Variants in LSM14A observed in about 807,000 individuals in gnomAD.
The protein encoded by LSM14A is LSM14A mRNA processing body assembly factor, also known as protein LSM14 homolog A.
LSM14A carries 14 observed loss-of-function variants against 52.4 expected under a neutral mutation model. That is an observed-to-expected ratio of 0.27 (90% CI 0.18 to 0.42). The LOEUF (loss-of-function observed/expected upper bound fraction) is 0.42, where lower values mean the gene tolerates loss of function less well. LSM14A is among the 10% of genes least tolerant of loss of function. The pLI is 1.00. For synonymous variants in LSM14A, 185 were observed against 200.3 expected (o/e 0.92, Z 0.64); for missense variants, 417 against 581.8 (o/e 0.72, Z 2.91).
chr19:34,217,244 C>T (rs377721758), intron 6 of LSM14A, among the ~76,000 whole-genome samples: 40 of 109,304 alleles, frequency 3.7e-4, no homozygotes, highest in Middle Eastern at 6.5e-3. Flanking sequence ...GGCAACAGAG[C>T]GAGAGTCTGT....
rs1159565408 is a variant in LSM14A, at chr19:34,219,772, C to T, written c.1031C>T (p.Thr344Ile). 3 of 1,613,652 alleles carry T rather than the reference C, an allele frequency of 1.9e-6. No individual in the cohort carries two copies. The highest frequency in any genetic ancestry group is 1.1e-5 in the South Asian group (1 of 91,048). ...GATAAAGGAGACTCAGGAGTTGATACCCAAAACAGTGAAGGAAATGCCGAT... is the reference window on the plus strand; with the variant it reads ...GATAAAGGAGACTCAGGAGTTGATATCCAAAACAGTGAAGGAAATGCCGAT... ...GEDKGDSGVDTQNSEGNADEE... is the reference protein window; with the variant it reads ...GEDKGDSGVDIQNSEGNADEE... The change falls in exon 8 of 10, where the codon ACC (threonine) becomes ATC (isoleucine). Residue 344 changes from threonine to isoleucine, a missense_variant. Around this residue, in one of 2 missense-constraint regions of LSM14A, gnomAD observed 357 missense variants for 457.0 expected, o/e 0.78. Transcript: ENST00000544216.
chr19:34,190,182 A>G (rs944277271), intron 1 of LSM14A, among the ~76,000 whole-genome samples: 3 of 152,140 alleles, frequency 2.0e-5, no homozygotes, highest in Admixed American at 6.5e-5. Context: ...GTTCTGTAAC[A>G]GTATCTTCTA....
chr19:34,194,043 C>T (rs2070661957), intron 1 of LSM14A, among the ~76,000 whole-genome samples: 1 of 152,136 alleles, frequency 6.6e-6, no homozygotes. Flanking sequence ...CTTAGTGGCA[C>T]ATGCCTGTGG....
chr19:34,173,958 A>T (rs578205617), intron 1 of LSM14A, among the ~76,000 whole-genome samples: 2 of 123,782 alleles, frequency 1.6e-5, no homozygotes, highest in East Asian at 4.0e-4. Context: ...TTATTTATTT[A>T]TTTTTCTAAG....
chr19:34,174,817 T>A (rs1029158720), intron 1 of LSM14A, among the ~76,000 whole-genome samples: 1 of 152,224 alleles, frequency 6.6e-6, no homozygotes, highest in Non-Finnish European at 1.5e-5. Flanking sequence ...TGTTTTAAAG[T>A]ATTGCTTTAC....
At chr19:34,180,485 A>G (rs1426509920) in intron 1 of LSM14A, among the ~76,000 whole-genome samples, 1 of 152,036 alleles carries the variant, frequency 6.6e-6, no homozygotes, top group Admixed American at 6.5e-5. Context: ...GAGGTGATAT[A>G]AAAGAAGTAA....
At chr19:34,187,365 G>A (rs573783158) in intron 1 of LSM14A, among the ~76,000 whole-genome samples, 14 of 151,330 alleles carry the variant, frequency 9.3e-5, no homozygotes, top group African/African-American at 1.9e-4. Flanking sequence ...TGCAACCTCC[G>A]CTTCTGGGGT....
chr19:34,182,608 C>T lies in LSM14A; in HGVS notation c.121+9845C>T, dbSNP rs917746923. Among the ~76,000 whole-genome samples the T allele has an allele frequency of 4.7e-5, 7 of 148,256 alleles. No individual in the cohort carries two copies. The East Asian group carries it at 5.9e-4, about 13-fold the overall frequency. On this transcript the variant is annotated intron_variant, in intron 1 of 9. Coordinates refer to ENST00000544216, the MANE Select transcript of LSM14A (RefSeq NM_015578.4). ...ATCCTAACACTTTGGGAGGCCAAGG[C>T]GGGCAGATCACAAGGTCAGGAGATT...
chr19:34,173,043 C>G (rs527872975), intron 1 of LSM14A, among the ~76,000 whole-genome samples: 2 of 152,352 alleles, frequency 1.3e-5, no homozygotes, highest in South Asian at 4.1e-4. Flanking sequence ...CCGGAGAACA[C>G]GGAGAAACGC....
Position 34,196,782 on chromosome 19 carries a change from T to A in LSM14A, c.415+19T>A. 1 of 1,583,316 alleles carries A rather than the reference T, an allele frequency of 6.3e-7. No individual in the cohort carries two copies. The highest frequency in any genetic ancestry group is 8.5e-7 in the Non-Finnish European group (1 of 1,172,144). On this transcript the variant is annotated intron_variant, in intron 3 of 9. Coordinates refer to ENST00000544216, the MANE Select transcript of LSM14A (RefSeq NM_015578.4). The stretch of plus-strand genomic sequence containing the variant: ...GGTGTTGGTATGTTTTCTTTTTCTT[T>A]TCTTTTTTTGTTTTTGTATTCTTCC...
Position 34,172,653 on chromosome 19 carries a change from G to C in LSM14A, c.11G>C (p.Gly4Ala). ...GGCGGCGGCGGCGCCATGAGCGGGG[G>C]CACCCCTTACATCGGCAGCAAGATC... MSG[G>A]TPYIGSKISL... The change falls in exon 1 of 10, where the codon GGC becomes GCC. Residue 4 changes from glycine to alanine, a missense_variant. By Grantham distance (60) the Gly-to-Ala change is moderately conservative. Transcript: ENST00000544216. 2 of 1,569,904 alleles carry C rather than the reference G, an allele frequency of 1.3e-6. No individual in the cohort carries two copies. The highest frequency in any genetic ancestry group is 1.7e-6 in the Non-Finnish European group (2 of 1,160,222).
In LSM14A at chr19:34,227,822, GTGTGTGTA is replaced by G. The variant is rs1438954605; in HGVS notation, c.*442_*449del. 169 of 156,918 alleles carry G rather than the reference GTGTGTGTA, an allele frequency of 1.1e-3. No homozygotes were observed. Among genetic ancestry groups the G allele is most frequent in the African/African-American group, 2.7e-3 (112 of 40,788 alleles). The allele number at this position is 156,918 out of a possible 1,614,324, so 9.7% of individuals were successfully genotyped here. ...TGTGTGTGTGTGTGTGTGTGTGTGT[GTGTGTGTA>G]TGTGTGTGTCTTTTTCCTCCTTTCT... is the stretch of plus-strand genomic sequence containing the variant. On this transcript the variant is annotated 3_prime_UTR_variant, in exon 10 of 10. Coordinates refer to ENST00000544216, the MANE Select transcript of LSM14A (RefSeq NM_015578.4).
chr19:34,202,232 T>C (rs1451600963), intron 3 of LSM14A, among the ~76,000 whole-genome samples: 2 of 149,072 alleles, frequency 1.3e-5, no homozygotes, highest in Non-Finnish European at 3.0e-5. Flanking sequence ...CAGCCTGGAG[T>C]ACAAAGACGT....
At chr19:34,203,703 T>G (rs559646386) in intron 3 of LSM14A, among the ~76,000 whole-genome samples, 1 of 151,424 alleles carries the variant, frequency 6.6e-6, no homozygotes, top group East Asian at 1.9e-4. Flanking sequence ...CTCAGGAGGC[T>G]GAGGCAGGAG....
intron 1 of LSM14A, among the ~76,000 whole-genome samples, chr19:34,183,950 T>A (rs1233075665): frequency 6.6e-6 from 1 of 152,126 alleles, no homozygotes; most frequent in Non-Finnish European, 1.5e-5. Flanking sequence ...TTCTAACAAT[T>A]CCATCAACTC....
chr19:34,175,293 C>T (rs2145449436), intron 1 of LSM14A, among the ~76,000 whole-genome samples: 1 of 151,878 alleles, frequency 6.6e-6, no homozygotes, highest in Middle Eastern at 3.4e-3. Flanking sequence ...TGCAGTGGCA[C>T]AATCCTGGCT....
intron 9 of LSM14A, among the ~76,000 whole-genome samples, chr19:34,227,107 G>A (rs2073383061): frequency 6.6e-6 from 1 of 152,168 alleles, no homozygotes; most frequent in Non-Finnish European, 1.5e-5. Context: ...CAAAGATGAG[G>A]AAGTATGCCT....
In LSM14A at chr19:34,219,472, G is replaced by A; in HGVS notation, c.863G>A (p.Gly288Glu). The change falls in exon 7 of 10, where the codon GGG becomes GAG. Residue 288 changes from glycine (G) to glutamate (E), a missense_variant. Coordinates refer to ENST00000544216, the MANE Select transcript of LSM14A (RefSeq NM_015578.4). ...GRGRFGIRRD[G>E]PMKFEKDFDF... ...GGAAGATTTGGTATTCGGCGAGATG[G>A]GCCAATGAAATTTGAGAAAGACTTT... 6.2e-7 allele frequency: 1 copy of A among 1,613,942 alleles called. No individual in the cohort carries two copies. Among genetic ancestry groups the A allele is most frequent in the Non-Finnish European group, 8.5e-7 (1 of 1,179,970 alleles).
Position 34,215,126 on chromosome 19 carries a change from C to T in LSM14A, c.541C>T (p.Arg181Cys), listed in dbSNP as rs751724253. 28 of 1,602,326 alleles carry T rather than the reference C, an allele frequency of 1.7e-5. No homozygotes were observed. Among genetic ancestry groups the T allele is most frequent in the African/African-American group, 4.0e-5 (3 of 74,290 alleles). The change falls in exon 5 of 10, where the codon CGC (arginine) becomes TGC (cysteine). Residue 181 changes from arginine (R) to cysteine (C), a missense_variant and splice_region_variant. Physicochemically the swap from Arg to Cys is radical, Grantham distance 180 (BLOSUM62 -3). This residue lies in a region of LSM14A where 357 missense variants were observed against 457.0 expected (regional missense o/e 0.78). Transcript: ENST00000544216. The part of the protein sequence containing the change: ...RSLKTQLSQG[R>C]SSPQLDPLRK... ...GTTATCTTTTGGTTACATTTTAGGT[C>T]GCTCAAGCCCTCAGTTAGACCCTTT...
Sources: gnomAD v4.1 joint callset for allele counts (sites outside exome capture counted in the v4.1 genomes callset) on GRCh38, gnomAD v4.1.1 for gene constraint, gnomAD v4.1.1 regional missense constraint, MANE v1.5 for transcripts, NCBI Gene and HGNC (gene_info 2026-07-23, HGNC 2026-07-21) for gene names.